Variants in STAU1 observed in about 807,000 individuals in gnomAD.
The protein encoded by STAU1 is staufen double-stranded RNA binding protein 1.
A neutral mutation model predicts 62.9 loss-of-function variants in STAU1; 13 were observed. The observed-to-expected ratio is 0.21, with a 90% CI of 0.13 to 0.33. The LOEUF (loss-of-function observed/expected upper bound fraction) is 0.33, where lower values mean the gene tolerates loss of function less well. Among genes scored for constraint, STAU1 ranks in the 10% least tolerant of loss-of-function variants. STAU1 has a pLI of 1.00. For missense variants in STAU1, 571 were observed against 712.1 expected (o/e 0.80, Z 2.25); for synonymous variants, 269 against 265.1 (o/e 1.01, Z -0.14).
chr20:49,122,070 T>C (rs555842847), intron 8 of STAU1, among the ~76,000 whole-genome samples: 6 of 152,342 alleles, frequency 3.9e-5, no homozygotes, highest in East Asian at 1.9e-4. Context: ...TCTGACTGCA[T>C]AGGTAAAATA....
chr20:49,115,789 T>C lies in STAU1; in HGVS notation c.1711A>G (p.Met571Val), dbSNP rs557198569. Residue 571 changes from methionine to valine, a missense_variant, in exon 13 of 14, where the codon ATG (methionine) becomes GTG (valine). By Grantham distance (21) the Met-to-Val change is conservative (BLOSUM62 1). Transcript: ENST00000371856. Reference sequence around the variant, plus strand: ...CTTCATCAGTGCACTCACACAGACATTGGTCCGTTTCCTGTTCTTGGCATC... The same window carrying C: ...CTTCATCAGTGCACTCACACAGACACTGGTCCGTTTCCTGTTCTTGGCATC... ...TEMPRTGNGP[M>V]SVCGRC is the part of the protein sequence containing the mutation. 1.9e-6 allele frequency: 3 copies of C among 1,614,018 alleles called. No homozygotes were observed. Among genetic ancestry groups the C allele is most frequent in the Non-Finnish European group, 2.5e-6 (3 of 1,179,896 alleles).
At chr20:49,141,686 G>C (rs991449380) in intron 5 of STAU1, among the ~76,000 whole-genome samples, 21 of 152,196 alleles carry the variant, frequency 1.4e-4, no homozygotes, top group African/African-American at 5.1e-4. Flanking sequence ...CTTGAGGTCA[G>C]GAGTTCGAGA....
intron 1 of STAU1, among the ~76,000 whole-genome samples, chr20:49,180,943 T>G (rs2093717160): frequency 6.6e-6 from 1 of 152,116 alleles, no homozygotes; most frequent in Non-Finnish European, 1.5e-5. Context: ...AAAAAGCACC[T>G]AAGCATAATT....
chr20:49,209,817 G>A, the STAU1 span, among the ~76,000 whole-genome samples: 1 of 152,074 alleles, frequency 6.6e-6, no homozygotes, highest in Admixed American at 6.6e-5. Context: ...GTGAGGCCGA[G>A]GCAGGCGGAT....
At chr20:49,175,140 G>A (rs1160622967) in intron 1 of STAU1, among the ~76,000 whole-genome samples, 7 of 151,562 alleles carry the variant, frequency 4.6e-5, no homozygotes, top group African/African-American at 1.5e-4. Context: ...TGGCAAAAGA[G>A]CGAGACTCCG....
chr20:49,214,962 G>C, the STAU1 span, among the ~76,000 whole-genome samples: 1 of 152,164 alleles, frequency 6.6e-6, no homozygotes, highest in African/African-American at 2.4e-5. Context: ...AAACAACAGT[G>C]GTTTCAACAA....
At chr20:49,218,199 C>T in the STAU1 span, among the ~76,000 whole-genome samples, 7 of 148,818 alleles carry the variant, frequency 4.7e-5, no homozygotes, top group South Asian at 1.3e-3. Flanking sequence ...TTTTAATTCA[C>T]ATTTTCCATC....
intron 5 of STAU1, among the ~76,000 whole-genome samples, chr20:49,144,991 CT>C (rs1448234038): frequency 6.6e-6 from 1 of 152,134 alleles, no homozygotes; most frequent in Non-Finnish European, 1.5e-5. Context: ...CAAAAGACCC[CT>C]ATGATAATTG....
the STAU1 span, among the ~76,000 whole-genome samples, chr20:49,208,150 C>T: frequency 6.6e-6 from 1 of 152,162 alleles, no homozygotes; most frequent in Non-Finnish European, 1.5e-5. Flanking sequence ...ACCTCAGCTT[C>T]CTGGGTTCAA....
chr20:49,206,149 ATTTT>A, the STAU1 span, among the ~76,000 whole-genome samples: 1 of 136,590 alleles, frequency 7.3e-6, no homozygotes, highest in Non-Finnish European at 1.6e-5. Flanking sequence ...CGCCCAGCTG[ATTTT>A]TTTTTTTTTT....
At chr20:49,148,835 G>A (rs2093181330) in intron 5 of STAU1, among the ~76,000 whole-genome samples, 1 of 152,226 alleles carries the variant, frequency 6.6e-6, no homozygotes, top group Admixed American at 6.5e-5. Flanking sequence ...ATCCTTTGTA[G>A]CAATACTGTG....
chr20:49,180,339 CT>C (rs1403599899), intron 1 of STAU1, among the ~76,000 whole-genome samples: 1 of 150,310 alleles, frequency 6.7e-6, no homozygotes, highest in East Asian at 1.9e-4. Context: ...TTTTCCCCCC[CT>C]GGATACAGAG....
the STAU1 span, among the ~76,000 whole-genome samples, chr20:49,195,910 A>C: frequency 4.4e-5 from 4 of 90,920 alleles, no homozygotes; most frequent in Non-Finnish European, 2.6e-5. Context: ...AAAAAAAAAA[A>C]AAAAAAAGAA....
At chr20:49,135,244 CAA>C (rs1051197755) in intron 6 of STAU1, among the ~76,000 whole-genome samples, 4 of 151,996 alleles carry the variant, frequency 2.6e-5, no homozygotes, top group Non-Finnish European at 5.9e-5. Flanking sequence ...AAATAAGTAA[CAA>C]AAAAAATTCT....
chr20:49,162,789 A>C (rs2093469118), intron 3 of STAU1, among the ~76,000 whole-genome samples: 4 of 151,816 alleles, frequency 2.6e-5, no homozygotes, highest in Non-Finnish European at 4.4e-5. Flanking sequence ...AAAAAAAAAA[A>C]CAGATTTATA....
At chr20:49,115,200 G>T (rs542786804) in intron 13 of STAU1, among the ~76,000 whole-genome samples, 3 of 152,080 alleles carry the variant, frequency 2.0e-5, no homozygotes, top group Admixed American at 1.3e-4. Flanking sequence ...AGGCGGTGGG[G>T]AGAATAGGAG....
chr20:49,218,704 C>T, the STAU1 span, among the ~76,000 whole-genome samples: 1 of 140,032 alleles, frequency 7.1e-6, no homozygotes, highest in East Asian at 2.2e-4. Context: ...TTTTTATTTT[C>T]TTCTGAGATT....
chr20:49,183,793 C>G (rs1007223576), intron 1 of STAU1, among the ~76,000 whole-genome samples: 2 of 152,112 alleles, frequency 1.3e-5, no homozygotes, highest in Non-Finnish European at 2.9e-5. Flanking sequence ...CTGAGACTTC[C>G]GACTAACACA....
intron 5 of STAU1, among the ~76,000 whole-genome samples, chr20:49,145,702 C>G (rs910105673): frequency 6.6e-6 from 1 of 151,846 alleles, no homozygotes; most frequent in Non-Finnish European, 1.5e-5. Context: ...TGCACTGCAG[C>G]CTGGCAACAG....
Sources: allele counts gnomAD v4.1 joint callset (sites outside exome capture counted in the v4.1 genomes callset), GRCh38; gene constraint gnomAD v4.1.1; transcripts MANE v1.5; gene names NCBI Gene and HGNC (gene_info 2026-07-23, HGNC 2026-07-21).